The following IREB2 variants were observed in gnomAD, a reference collection of about 807,000 sequenced individuals.
IREB2 encodes iron-responsive element-binding protein 2.
Under a neutral mutation model 118.8 loss-of-function variants are expected in IREB2, and 39 were observed. That is an observed-to-expected ratio of 0.33 (90% CI 0.25 to 0.43). The LOEUF (loss-of-function observed/expected upper bound fraction) is 0.43, where lower values mean the gene tolerates loss of function less well. IREB2 is among the 20% of genes least tolerant of loss of function. The pLI, the probability that IREB2 is intolerant of heterozygous loss-of-function variation, is 1.00. For synonymous variants in IREB2, 372 were observed against 392.2 expected (o/e 0.95, Z 0.61); for missense variants, 900 against 1,147.3 (o/e 0.78, Z 3.11).
intron 2 of IREB2, among the ~76,000 whole-genome samples, chr15:78,450,962 A>C (rs1294683002): frequency 4.6e-5 from 7 of 151,888 alleles, no homozygotes; most frequent in Non-Finnish European, 1.0e-4. Flanking sequence ...TAATGTAATG[A>C]GCAGACTGTA....
intron 14 of IREB2, 88 bp downstream of exon 14, chr15:78,487,905 T>C: frequency 1.2e-6 from 1 of 850,368 alleles, no homozygotes; most frequent in Non-Finnish European, 1.9e-6. Context: ...TTGATGTGTT[T>C]ATATTTCTGT....
intron 2 of IREB2, among the ~76,000 whole-genome samples, chr15:78,443,099 A>G (rs2050870439): frequency 6.6e-6 from 1 of 152,214 alleles, no homozygotes; most frequent in African/African-American, 2.4e-5. Flanking sequence ...ACTGTTTGGT[A>G]TATATTTTTT....
At chr15:78,449,540 G>T (rs1371492436) in intron 2 of IREB2, among the ~76,000 whole-genome samples, 1 of 152,212 alleles carries the variant, frequency 6.6e-6, no homozygotes, top group Non-Finnish European at 1.5e-5. Flanking sequence ...GGTTGGTATT[G>T]TAAAGTTTTC....
chr15:78,497,622 C>T (rs765213842), intron 21 of IREB2, among the ~76,000 whole-genome samples: 2 of 151,974 alleles, frequency 1.3e-5, no homozygotes, highest in East Asian at 1.9e-4. Context: ...TAATTTTAAC[C>T]GAGGCATACA....
chr15:78,466,553 T>C (rs1012926974), intron 5 of IREB2, 64 bp downstream of exon 5: 6 of 1,044,524 alleles, frequency 5.7e-6, no homozygotes, highest in East Asian at 2.7e-5. Flanking sequence ...GAAAATCAAA[T>C]TTATTCTCTT....
intron 10 of IREB2, among the ~76,000 whole-genome samples, chr15:78,479,195 G>A (rs1425219072): frequency 6.6e-6 from 1 of 151,930 alleles, no homozygotes; most frequent in African/African-American, 2.4e-5. Flanking sequence ...TCTGGTTTCA[G>A]GGGATTCTCT....
intron 8 of IREB2, 134 bp from the exon 9 acceptor site, chr15:78,476,054 A>G (rs2051464109): frequency 3.6e-6 from 2 of 547,976 alleles, no homozygotes; most frequent in South Asian, 4.0e-5. Flanking sequence ...GAGTTGATTC[A>G]TAAGGACAAT....
At chr15:78,473,208 T>A in intron 7 of IREB2, 34 bp from the exon 8 acceptor site, 1 of 1,594,766 alleles carries the variant, frequency 6.3e-7, no homozygotes, top group Non-Finnish European at 8.6e-7. Context: ...TCTTTAAATA[T>A]ACTGTGCTAA....
chr15:78,483,785 CTT>C (rs1159977288), intron 11 of IREB2, among the ~76,000 whole-genome samples: 103 of 140,440 alleles, frequency 7.3e-4, no homozygotes, highest in African/African-American at 2.1e-3. Flanking sequence ...ATCACAGAAA[CTT>C]TTTTTTTTTT....
chr15:78,439,229 G>A (rs1298142767), intron 1 of IREB2, among the ~76,000 whole-genome samples: 2 of 152,070 alleles, frequency 1.3e-5, no homozygotes, highest in Non-Finnish European at 2.9e-5. Context: ...TAGAGATTCT[G>A]TTACTTTTAT....
intron 2 of IREB2, among the ~76,000 whole-genome samples, chr15:78,452,268 G>A (rs2051038555): frequency 6.6e-6 from 1 of 152,166 alleles, no homozygotes; most frequent in South Asian, 2.1e-4. Context: ...GGAAGATGAG[G>A]TGATGATAAG....
At chr15:78,463,794 T>C (rs1248173689) in intron 3 of IREB2, among the ~76,000 whole-genome samples, 1 of 152,152 alleles carries the variant, frequency 6.6e-6, no homozygotes, top group African/African-American at 2.4e-5. Context: ...TCCTCCTGCC[T>C]CTGCCTCCCA....
intron 2 of IREB2, among the ~76,000 whole-genome samples, chr15:78,446,984 G>A (rs2050940045): frequency 6.6e-6 from 1 of 151,728 alleles, no homozygotes; most frequent in Admixed American, 6.6e-5. Context: ...ATGAAGAGAA[G>A]AAAAAAAACT....
chr15:78,472,007 T>G (rs1022783041), intron 7 of IREB2, 83 bp downstream of exon 7: 5 of 1,066,812 alleles, frequency 4.7e-6, no homozygotes, highest in Non-Finnish European at 6.6e-6. Context: ...TTATTGAGTT[T>G]GTATAGCCTC....
intron 11 of IREB2, 149 bp from the exon 12 acceptor site, chr15:78,484,612 C>T: frequency 1.7e-6 from 1 of 577,022 alleles, no homozygotes; most frequent in South Asian, 2.7e-5. Context: ...ATTACAACTA[C>T]TGAATGTTAT....
chr15:78,488,392 G>A (rs530458940), intron 15 of IREB2, 56 bp downstream of exon 15: 233 of 1,405,294 alleles, frequency 1.7e-4, no homozygotes, highest in Non-Finnish European at 2.0e-4. Flanking sequence ...AATGGAAGTC[G>A]TTATATTTTT....
rs1456187083 is a variant in IREB2, at chr15:78,485,628, C to G, written c.1574-77C>G. On this transcript the variant is annotated intron_variant, in intron 12 of 21. Transcript: ENST00000258886. Reference sequence around the variant, plus strand: ...CTTTAATCTGTTAAATAAATTACTTCTCACTTTTTACTTTAATATGGGTGA... The same window carrying G: ...CTTTAATCTGTTAAATAAATTACTTGTCACTTTTTACTTTAATATGGGTGA... The G allele has an allele frequency of 5.0e-6, 7 of 1,402,988 alleles. 1 individual carries two copies. The highest frequency in any genetic ancestry group is 4.2e-5 in the South Asian group (3 of 71,762). 86.9% of individuals were successfully genotyped at this position (1,402,988 alleles called of 1,614,324 possible). A position where few individuals can be genotyped will look rare whatever the true frequency, so the allele number is the denominator to read the frequency against.
At chr15:78,477,095 T>C (rs1287512936) in intron 9 of IREB2, among the ~76,000 whole-genome samples, 1 of 152,206 alleles carries the variant, frequency 6.6e-6, no homozygotes, top group Non-Finnish European at 1.5e-5. Context: ...TGAATGGTTA[T>C]ATAGAATCCT....
intron 10 of IREB2, chr15:78,479,917 T>G (rs2051537023): frequency 8.9e-6 from 1 of 112,854 alleles, no homozygotes; most frequent in Non-Finnish European, 1.8e-5. Flanking sequence ...TGAGACAGTG[T>G]CTAAAAAAAA....
Sources: gnomAD v4.1 joint callset for allele counts (sites outside exome capture counted in the v4.1 genomes callset) on GRCh38, gnomAD v4.1.1 for gene constraint, MANE v1.5 for transcripts, NCBI Gene and HGNC (gene_info 2026-07-23, HGNC 2026-07-21) for gene names.